AP1B1: variants seen among roughly 807,000 people sequenced by gnomAD.
The protein encoded by AP1B1 is AP-1 complex subunit beta-1.
A neutral mutation model predicts 104.3 loss-of-function variants in AP1B1; 36 were observed. The ratio of observed to expected loss-of-function variants is 0.35; its 90% CI spans 0.26 to 0.46. The LOEUF (loss-of-function observed/expected upper bound fraction) is 0.46. Among genes scored for constraint, AP1B1 ranks in the 20% least tolerant of loss-of-function variants. AP1B1 has a pLI of 1.00. For missense variants in AP1B1, 901 were observed against 1,247.9 expected, an observed-to-expected ratio of 0.72 and a Z score of 4.19; for synonymous variants, 504 against 517.5, an observed-to-expected ratio of 0.97 and a Z score of 0.35.
At chr22:29,366,271 G>A (rs1371147631) in intron 2 of AP1B1, among the ~76,000 whole-genome samples, 7 of 152,218 alleles carry the variant, frequency 4.6e-5, no homozygotes, top group African/African-American at 1.7e-4. Flanking sequence ...AGACTTAATA[G>A]TGAGTCATTA....
intron 15 of AP1B1, 149 bp from the exon 16 acceptor site, chr22:29,339,282 A>T (rs1243371070): frequency 1.1e-6 from 1 of 945,650 alleles, no homozygotes; most frequent in Non-Finnish European, 1.6e-6. Flanking sequence ...CAGAAACAAG[A>T]CAGAGAGAGG....
intron 11 of AP1B1, among the ~76,000 whole-genome samples, chr22:29,344,284 T>A (rs917993599): frequency 2.0e-5 from 3 of 152,084 alleles, no homozygotes; most frequent in Non-Finnish European, 4.4e-5. Flanking sequence ...CTGCTGTGGT[T>A]CCAGTCAGGT....
rs749634010 is a variant in AP1B1, at chr22:29,359,778, A to T, written c.279+46T>A. 9 of 1,578,496 alleles carry T rather than the reference A, an allele frequency of 5.7e-6. No individual in the cohort carries two copies. In the South Asian group the frequency reaches 9.5e-5, roughly 17 times the overall value. ...CCCCAAAGAGACTGAGGGGAGACAGAGCCTTAAGCACCCAATGTCCCCACG... is the reference window on the plus strand; with the variant it reads ...CCCCAAAGAGACTGAGGGGAGACAGTGCCTTAAGCACCCAATGTCCCCACG... On this transcript the variant is annotated intron_variant, in intron 4 of 22. Transcript: ENST00000357586.
intron 16 of AP1B1, among the ~76,000 whole-genome samples, chr22:29,337,285 AG>A (rs2061652260): frequency 6.6e-6 from 1 of 152,186 alleles, no homozygotes; most frequent in African/African-American, 2.4e-5. Flanking sequence ...AGAGCCACAA[AG>A]GGCTGCTGGG....
intron 7 of AP1B1, among the ~76,000 whole-genome samples, chr22:29,354,116 G>A (rs77668681): frequency 8.7e-4 from 132 of 152,282 alleles, no homozygotes; most frequent in African/African-American, 1.8e-3. Context: ...GAGTGAGTCC[G>A]ATGTACCTCT....
intron 1 of AP1B1, chr22:29,370,783 C>A (rs1047945218): frequency 1.3e-5 from 2 of 152,134 alleles, no homozygotes; most frequent in African/African-American, 4.8e-5. Context: ...CTGGTCAAAG[C>A]ACAGCTGCAG....
intron 11 of AP1B1, among the ~76,000 whole-genome samples, chr22:29,346,939 C>T (rs983776608): frequency 1.3e-5 from 2 of 152,200 alleles, no homozygotes; most frequent in Non-Finnish European, 2.9e-5. Flanking sequence ...CCCTTTCAGT[C>T]CACACAAACT....
At chr22:29,380,007 G>T (rs1389380611) in intron 1 of AP1B1, among the ~76,000 whole-genome samples, 1 of 152,216 alleles carries the variant, frequency 6.6e-6, no homozygotes, top group Admixed American at 6.5e-5. Flanking sequence ...AAAGGACCTG[G>T]AAGGGAAAGG....
Position 29,334,335 on chromosome 22 carries a change from T to C in AP1B1, c.2239A>G (p.Met747Val). 1.9e-6 allele frequency: 3 copies of C among 1,611,522 alleles called. No homozygotes were observed. The stretch of plus-strand genomic sequence containing the variant: ...GCCTTGTTGGTCAGCTGCAGGTCCA[T>C]GGAGATGGAGCCCACCTGGCGGGTG... ...TFTRQVGSIS[M>V]DLQLTNKALQ... is the part of the protein sequence containing the mutation. The change falls in exon 17 of 23, where the codon ATG (methionine) becomes GTG (valine). Residue 747 changes from methionine (M) to valine (V), a missense_variant. Coordinates refer to ENST00000357586, the MANE Select transcript of AP1B1 (RefSeq NM_001127.4).
chr22:29,331,711 G>C, intron 18 of AP1B1, 76 bp downstream of exon 18: 1 of 1,611,518 alleles, frequency 6.2e-7, no homozygotes, highest in Non-Finnish European at 8.5e-7. Flanking sequence ...CCGCAGACAC[G>C]ACCTTCTACT....
rs772726007 is a variant in AP1B1, at chr22:29,328,830, G to A, written c.2841C>T (p.Leu947=). 3.7e-6 allele frequency: 6 copies of A among 1,607,134 alleles called. No homozygotes were observed. In the East Asian group the frequency reaches 8.9e-5, roughly 24 times the overall value. The change falls in exon 23 of 23, where the codon CTC becomes CTT. Residue 947 remains leucine (L), a synonymous_variant. Transcript: ENST00000357586. The surrounding 1 kb of genome is among the most constrained non-coding windows in gnomAD (Gnocchi z 4.1). The part of the protein sequence containing the change: ...QHVYQAYETI[L]KN ...GGCGCTGGCCGGGGTCTCAGTTCTT[G>A]AGGATGGTCTCGTAGGCCTGGTACA...
chr22:29,340,883 A>G (rs1197061058), intron 13 of AP1B1, 26 bp from the exon 14 acceptor site: 1 of 1,571,610 alleles, frequency 6.4e-7, no homozygotes, highest in South Asian at 1.2e-5. Flanking sequence ...AGTAGGGTGG[A>G]GGCATCAGGA....
chr22:29,330,083 G>A, intron 21 of AP1B1: 1 of 1,413,420 alleles, frequency 7.1e-7, no homozygotes, highest in Non-Finnish European at 9.2e-7. Flanking sequence ...CCTGTGCCCA[G>A]CAATGTCACT....
intron 2 of AP1B1, among the ~76,000 whole-genome samples, chr22:29,365,941 C>T (rs2062128812): frequency 6.6e-6 from 1 of 152,168 alleles, no homozygotes; most frequent in African/African-American, 2.4e-5. Flanking sequence ...AGGTCAGAGG[C>T]TCTGTTTCTT....
chr22:29,334,479 C>G, intron 16 of AP1B1, 69 bp from the exon 17 acceptor site: 1 of 1,505,840 alleles, frequency 6.6e-7, no homozygotes, highest in South Asian at 1.3e-5. Flanking sequence ...AACAGCCCAC[C>G]TGAGGGTGCT....
intron 7 of AP1B1, among the ~76,000 whole-genome samples, chr22:29,352,112 C>T (rs1346745595): frequency 6.6e-6 from 1 of 152,216 alleles, no homozygotes; most frequent in African/African-American, 2.4e-5. Flanking sequence ...ATGGGACGGG[C>T]TTGGGAATCA....
intron 1 of AP1B1, among the ~76,000 whole-genome samples, chr22:29,374,047 A>G (rs1269538970): frequency 6.6e-6 from 1 of 151,802 alleles, no homozygotes; most frequent in Non-Finnish European, 1.5e-5. Context: ...AAAATACAAA[A>G]ATTAGCTGGG....
intron 1 of AP1B1, among the ~76,000 whole-genome samples, chr22:29,373,356 T>C (rs2062273776): frequency 6.6e-6 from 1 of 152,222 alleles, no homozygotes; most frequent in Non-Finnish European, 1.5e-5. Context: ...CAAGGGCTAA[T>C]GTGAGAATGA....
At chr22:29,340,946 G>A (rs1414383174) in intron 13 of AP1B1, 89 bp from the exon 14 acceptor site, 3 of 1,330,134 alleles carry the variant, frequency 2.3e-6, no homozygotes, top group East Asian at 2.5e-5. Flanking sequence ...TGTCCCCCAG[G>A]ACAGGCACTG....
Sources: gnomAD v4.1 joint callset for allele counts (sites outside exome capture counted in the v4.1 genomes callset) on GRCh38, gnomAD v4.1.1 for gene constraint, Gnocchi (gnomAD v3.1) non-coding constraint, MANE v1.5 for transcripts, NCBI Gene and HGNC (gene_info 2026-07-23, HGNC 2026-07-21) for gene names.